The following ABHD6 variants were observed in gnomAD, a reference collection of about 807,000 sequenced individuals.
The protein encoded by ABHD6 is monoacylglycerol lipase ABHD6.
A neutral mutation model predicts 38.8 loss-of-function variants in ABHD6; 33 were observed. That is an observed-to-expected ratio of 0.85 (90% CI 0.64 to 1.14). ABHD6 has a LOEUF of 1.14. Among genes scored for constraint, ABHD6 ranks in the 50% most tolerant of loss-of-function variants. The probability of loss-of-function intolerance (pLI) is 0.00; values close to 1 mark genes in which losing one functional copy is unlikely to be tolerated. For missense variants in ABHD6, 380 were observed against 422.6 expected, an observed-to-expected ratio of 0.90 and a Z score of 0.88; for synonymous variants, 147 against 161.6, an observed-to-expected ratio of 0.91 and a Z score of 0.69.
chr3:58,245,545 G>A (rs1259409195), intron 1 of ABHD6, among the ~76,000 whole-genome samples: 3 of 151,960 alleles, frequency 2.0e-5, no homozygotes, highest in Non-Finnish European at 4.4e-5. Context: ...TTGGAAGGCC[G>A]AGGCAGGCAG....
chr3:58,288,075 G>C (rs922078646), intron 9 of ABHD6, among the ~76,000 whole-genome samples: 3 of 152,158 alleles, frequency 2.0e-5, no homozygotes, highest in African/African-American at 7.2e-5. Context: ...CATTCTATGG[G>C]CTTGCTATAA....
intron 9 of ABHD6, among the ~76,000 whole-genome samples, chr3:58,290,133 CA>C (rs2097460897): frequency 8.6e-6 from 1 of 115,892 alleles, no homozygotes; most frequent in African/African-American, 3.8e-5. Context: ...AGGCGCCCCT[CA>C]CCTCCCGGAC....
At position 58,294,398 on chromosome 3, in the gene ABHD6, C is replaced by T. The variant is rs2097465879; in HGVS notation, c.*633C>T. 6.6e-6 allele frequency: 1 copy of T among 152,484 alleles called. No individual in the cohort carries two copies. The highest frequency in any genetic ancestry group is 6.5e-5 in the Admixed American group (1 of 15,278). 9.4% of individuals were successfully genotyped at this position (152,484 alleles called of 1,614,324 possible). On this transcript the variant is annotated 3_prime_UTR_variant, in exon 10 of 10. Coordinates refer to ENST00000478253, the MANE Select transcript of ABHD6 (RefSeq NM_001320126.2). ...GGAGGTTCATTCAGCACCCACCAGT[C>T]AGGTATGTTCTGAGTGAACCCACAG...
chr3:58,242,980 T>C (rs1294066952), intron 1 of ABHD6, among the ~76,000 whole-genome samples: 1 of 152,196 alleles, frequency 6.6e-6, no homozygotes, highest in Non-Finnish European at 1.5e-5. Flanking sequence ...TGTTTGGTTT[T>C]CTGTCCTTGG....
Position 58,267,097 on chromosome 3 carries a change from G to A in ABHD6, c.120-92G>A. 7.4e-7 allele frequency: 1 copy of A among 1,356,210 alleles called. No individual in the cohort carries two copies. Among genetic ancestry groups the A allele is most frequent in the African/African-American group, 1.5e-5 (1 of 68,646 alleles). 84.0% of individuals were successfully genotyped at this position (1,356,210 alleles called of 1,614,324 possible). On this transcript the variant is annotated intron_variant, in intron 3 of 9. Transcript: ENST00000478253. This position sits in a 1 kb window ranked among gnomAD's most constrained non-coding sequence, Gnocchi z 4.3. The stretch of plus-strand genomic sequence containing the variant: ...GGAGAAGTGTTTGTGTTATCACTAA[G>A]GAAGACTTATAGAGAGGACCTGTGC...
intron 6 of ABHD6, 34 bp downstream of exon 6, chr3:58,271,098 G>T: frequency 6.4e-7 from 1 of 1,554,450 alleles, no homozygotes; most frequent in Admixed American, 2.2e-5. Flanking sequence ...CCTCGGCAGG[G>T]ATGAATCCCT....
At chr3:58,250,062 T>C (rs1316749729) in intron 2 of ABHD6, 120 bp downstream of exon 2, 1 of 152,138 alleles carries the variant, frequency 6.6e-6, no homozygotes, top group Non-Finnish European at 1.5e-5. Context: ...CTGCATGATT[T>C]TTCTGATCAG....
intron 1 of ABHD6, among the ~76,000 whole-genome samples, 164 bp from the exon 2 acceptor site, chr3:58,249,714 A>G (rs2097428713): frequency 6.6e-6 from 1 of 152,204 alleles, no homozygotes; most frequent in Non-Finnish European, 1.5e-5. Context: ...GGTGACCTGA[A>G]CAAGAGGCAT....
chr3:58,293,159 G>A lies in ABHD6; in HGVS notation c.838-430G>A, dbSNP rs2097464473. Reference sequence around the variant, plus strand: ...TGTCTCAGCCGCCGTGCTCCTTGGTGGCCCCTGCACTCGCCATGATCTCCC... The same window carrying A: ...TGTCTCAGCCGCCGTGCTCCTTGGTAGCCCCTGCACTCGCCATGATCTCCC... On this transcript the variant is annotated intron_variant, in intron 9 of 9. Transcript: ENST00000478253. This position sits in a 1 kb window ranked among gnomAD's most constrained non-coding sequence, Gnocchi z 4.4. 6.6e-6 allele frequency among the ~76,000 whole-genome samples: 1 copy of A among 151,970 alleles called. No homozygotes were observed. The highest frequency in any genetic ancestry group is 2.1e-4 in the South Asian group (1 of 4,818).
intron 3 of ABHD6, among the ~76,000 whole-genome samples, chr3:58,264,292 A>G (rs1053598464): frequency 3.3e-5 from 5 of 152,028 alleles, no homozygotes; most frequent in African/African-American, 9.7e-5. Flanking sequence ...TATACTTACT[A>G]GGTCAACAAG....
chr3:58,264,416 C>T (rs949790801), intron 3 of ABHD6, among the ~76,000 whole-genome samples: 112 of 141,240 alleles, frequency 7.9e-4, no homozygotes, highest in African/African-American at 2.9e-3. Flanking sequence ...CACACACACA[C>T]ACACACACAC....
At chr3:58,270,365 T>A in intron 5 of ABHD6, among the ~76,000 whole-genome samples, 1 of 152,180 alleles carries the variant, frequency 6.6e-6, no homozygotes, top group Non-Finnish European at 1.5e-5. Context: ...ACATATTACC[T>A]TTGACTGCTT....
At chr3:58,244,830 TA>T (rs1467147118) in intron 1 of ABHD6, among the ~76,000 whole-genome samples, 3 of 152,216 alleles carry the variant, frequency 2.0e-5, no homozygotes, top group Admixed American at 6.5e-5. Flanking sequence ...CTATTGCTTT[TA>T]AAATAGATAG....
Position 58,273,257 on chromosome 3 carries a change from A to G in ABHD6, c.524-1401A>G, listed in dbSNP as rs1022997332. Among the ~76,000 whole-genome samples the G allele has an allele frequency of 2.0e-5, 3 of 152,168 alleles. No homozygotes were observed. The highest frequency in any genetic ancestry group is 6.5e-5 in the Admixed American group (1 of 15,274). ...TGATGCTACTGCCTTTCATTATAAA[A>G]TCTAGCTCTTTTCTAGATTTTGCTG... On this transcript the variant is annotated intron_variant, in intron 6 of 9. Transcript: ENST00000478253. This position sits in a 1 kb window ranked among gnomAD's most constrained non-coding sequence, Gnocchi z 4.8.
At chr3:58,276,692 G>A (rs2097448977) in intron 7 of ABHD6, among the ~76,000 whole-genome samples, 1 of 152,156 alleles carries the variant, frequency 6.6e-6, no homozygotes, top group Non-Finnish European at 1.5e-5. Flanking sequence ...CCTTGCCCAT[G>A]CCTGTTTCCT....
At chr3:58,270,174 A>C (rs966859317) in intron 5 of ABHD6, among the ~76,000 whole-genome samples, 2 of 152,112 alleles carry the variant, frequency 1.3e-5, no homozygotes, top group Non-Finnish European at 2.9e-5. Flanking sequence ...GGTTGGATGG[A>C]TGGATGGTTG....
intron 2 of ABHD6, among the ~76,000 whole-genome samples, chr3:58,255,305 A>G (rs1162593881): frequency 6.6e-6 from 1 of 152,248 alleles, no homozygotes; most frequent in Non-Finnish European, 1.5e-5. Context: ...ACATATTTAC[A>G]TAACAACTTA....
chr3:58,274,518 G>A (rs2097447345), intron 6 of ABHD6, 140 bp from the exon 7 acceptor site: 1 of 866,640 alleles, frequency 1.2e-6, no homozygotes, highest in African/African-American at 1.7e-5. Flanking sequence ...AAGGATGGCA[G>A]TACCAACAAA....
At chr3:58,290,484 T>C (rs1404621763) in intron 9 of ABHD6, among the ~76,000 whole-genome samples, 1 of 90,758 alleles carries the variant, frequency 1.1e-5, no homozygotes, top group Non-Finnish European at 2.2e-5. Context: ...CCCCCCCACC[T>C]CCCTCCCGGA....
Sources: gnomAD v4.1 joint callset for allele counts (sites outside exome capture counted in the v4.1 genomes callset) on GRCh38, gnomAD v4.1.1 for gene constraint, Gnocchi (gnomAD v3.1) non-coding constraint, MANE v1.5 for transcripts, NCBI Gene and HGNC (gene_info 2026-07-23, HGNC 2026-07-21) for gene names.